The following ASCC3 variants were observed in gnomAD, a reference collection of about 807,000 sequenced individuals.
ASCC3 encodes the protein ASC-1 complex subunit P200.
A neutral mutation model predicts 256.3 loss-of-function variants in ASCC3; 158 were observed. That is an observed-to-expected ratio of 0.62 (90% CI 0.54 to 0.70). The LOEUF (loss-of-function observed/expected upper bound fraction) is 0.70. Ranked by LOEUF, ASCC3 falls within the 30% of genes least tolerant of loss-of-function variation. ASCC3 has a pLI of 0.00. For synonymous variants in ASCC3, 948 were observed against 883.4 expected (o/e 1.07, Z -1.30); for missense variants, 2,259 against 2,626.0 (o/e 0.86, Z 3.05).
chr6:100,757,330 A>C lies in ASCC3; in HGVS notation c.1737+9235T>G, dbSNP rs1055593276. ...CCACAAGACAACACTAGAATTGAGA[A>C]TATGGCAAAGATAATATTATAATTC... On this transcript the variant is annotated intron_variant, in intron 10 of 41. Coordinates refer to ENST00000369162, the MANE Select transcript of ASCC3 (RefSeq NM_006828.4). 1.1e-4 allele frequency among the ~76,000 whole-genome samples: 16 copies of C among 152,122 alleles called. 1 individual carries two copies.
At chr6:100,593,507 G>T (rs1388032674) in intron 34 of ASCC3, among the ~76,000 whole-genome samples, 1 of 152,124 alleles carries the variant, frequency 6.6e-6, no homozygotes, top group Admixed American at 6.6e-5. Flanking sequence ...TTCACCAGTT[G>T]AGAATGAAAG....
At chr6:100,622,892 T>TAAC (rs1440283223) in intron 30 of ASCC3, among the ~76,000 whole-genome samples, 1 of 152,046 alleles carries the variant, frequency 6.6e-6, no homozygotes, top group African/African-American at 2.4e-5. Context: ...ATATTAAAAT[T>TAAC]AACAACAACA....
intron 37 of ASCC3, among the ~76,000 whole-genome samples, chr6:100,533,207 A>G (rs751956795): frequency 9.9e-5 from 15 of 152,022 alleles, no homozygotes; most frequent in Non-Finnish European, 1.5e-4. Flanking sequence ...TTCTTTTTAA[A>G]TGCAAAACCT....
At chr6:100,579,802 G>C (rs1316745035) in intron 36 of ASCC3, among the ~76,000 whole-genome samples, 2 of 152,172 alleles carry the variant, frequency 1.3e-5, no homozygotes, top group Non-Finnish European at 1.5e-5. Flanking sequence ...GATTGCCTTG[G>C]CTATTCCAGC....
intron 30 of ASCC3, among the ~76,000 whole-genome samples, chr6:100,623,672 C>G (rs1562175470): frequency 6.6e-6 from 1 of 152,080 alleles, no homozygotes; most frequent in Non-Finnish European, 1.5e-5. Context: ...CAATTATCTA[C>G]TGATTTCATC....
chr6:100,768,486 A>C (rs1781770922), intron 8 of ASCC3, among the ~76,000 whole-genome samples: 2 of 152,334 alleles, frequency 1.3e-5, no homozygotes, highest in South Asian at 4.1e-4. Context: ...AGCAAAACAG[A>C]AAGCCATTTC....
chr6:100,800,188 G>A (rs953728013), intron 6 of ASCC3, 112 bp downstream of exon 6: 27 of 1,146,640 alleles, frequency 2.4e-5, no homozygotes, highest in African/African-American at 2.2e-4. Flanking sequence ...TGAAGAAAAC[G>A]TGACTTGAAG....
chr6:100,671,742 C>T (rs1030915408), intron 14 of ASCC3, among the ~76,000 whole-genome samples: 3 of 151,978 alleles, frequency 2.0e-5, no homozygotes, highest in African/African-American at 7.2e-5. Context: ...TAACGTTTTC[C>T]TACTCATGAG....
intron 30 of ASCC3, among the ~76,000 whole-genome samples, chr6:100,610,949 GA>G (rs1438658219): frequency 2.6e-5 from 4 of 152,136 alleles, no homozygotes; most frequent in South Asian, 2.1e-4. Flanking sequence ...TAGTTTGAGA[GA>G]TTTTTTTTCA....
At chr6:100,842,237 A>T (rs1772178271) in intron 4 of ASCC3, among the ~76,000 whole-genome samples, 1 of 152,186 alleles carries the variant, frequency 6.6e-6, no homozygotes, top group African/African-American at 2.4e-5. Flanking sequence ...TCAGTACAGC[A>T]ACATTTTAAA....
In ASCC3 at chr6:100,633,692, C is replaced by A. The variant is rs1169986749; in HGVS notation, c.4123-2479G>T. Among the ~76,000 whole-genome samples the A allele has an allele frequency of 4.7e-5, 7 of 149,702 alleles. No homozygotes were observed. In the East Asian group the frequency reaches 1.4e-3, roughly 31 times the overall value. ...ACCAGCCTGATCAACATGGAGAAAC[C>A]CCGTCACTACTAAAAAAAAAAAAAT... On this transcript the variant is annotated intron_variant, in intron 25 of 41. Coordinates refer to ENST00000369162, the MANE Select transcript of ASCC3 (RefSeq NM_006828.4).
intron 16 of ASCC3, among the ~76,000 whole-genome samples, chr6:100,661,600 T>C (rs1286231882): frequency 2.6e-5 from 4 of 151,882 alleles, no homozygotes; most frequent in African/African-American, 9.7e-5. Flanking sequence ...GTATGGTCTT[T>C]TAACAATAGA....
At chr6:100,654,748 C>T (rs547911923) in intron 17 of ASCC3, among the ~76,000 whole-genome samples, 80 of 152,016 alleles carry the variant, frequency 5.3e-4, no homozygotes, top group African/African-American at 1.8e-3. Flanking sequence ...AACCTAATAA[C>T]GGCTTTAGAT....
chr6:100,699,495 C>G lies in ASCC3; in HGVS notation c.2151+15967G>C, dbSNP rs563036110. ...TGCTCAGTCTTAGGTAAGTCTTTAT[C>G]AGCAGTGTGAAAATGGACTAATACA... On this transcript the variant is annotated intron_variant, in intron 13 of 41. Coordinates refer to ENST00000369162, the MANE Select transcript of ASCC3 (RefSeq NM_006828.4). 1.1e-4 allele frequency among the ~76,000 whole-genome samples: 16 copies of G among 152,252 alleles called. No individual in the cohort carries two copies. In the South Asian group the frequency reaches 3.3e-3, roughly 32 times the overall value.
rs545306227 is a variant in ASCC3 at position 100,594,527 on chromosome 6, C to T, written c.5304-4468G>A. Among the ~76,000 whole-genome samples the T allele has an allele frequency of 1.8e-4, 28 of 152,130 alleles. No homozygotes were observed. The South Asian group carries it at 4.8e-3, about 26-fold the overall frequency. On this transcript the variant is annotated intron_variant, in intron 34 of 41. Coordinates refer to ENST00000369162, the MANE Select transcript of ASCC3 (RefSeq NM_006828.4). ...ACAGACAATAATAAAAAGACACAAGCGAGGGCCAATCACAAGAATGTGGAG... is the reference window on the plus strand; with the variant it reads ...ACAGACAATAATAAAAAGACACAAGTGAGGGCCAATCACAAGAATGTGGAG...
At position 100,732,513 on chromosome 6, in the gene ASCC3, A is replaced by G. The variant is rs147847924; in HGVS notation, c.1738-6810T>C. On this transcript the variant is annotated intron_variant, in intron 10 of 41. Coordinates refer to ENST00000369162, the MANE Select transcript of ASCC3 (RefSeq NM_006828.4). ...AGTTCCTTATTGTTTACCCATTTCA[A>G]TTATTTAAATCATTTCTCTTTTAAT... 2.9e-3 allele frequency among the ~76,000 whole-genome samples: 436 copies of G among 152,318 alleles called. 1 individual carries two copies. Among genetic ancestry groups the G allele is most frequent in the African/African-American group, 0.01 (418 of 41,576 alleles).
At chr6:100,607,495 C>G (rs773292221) in intron 30 of ASCC3, among the ~76,000 whole-genome samples, 12 of 151,876 alleles carry the variant, frequency 7.9e-5, no homozygotes, top group Non-Finnish European at 1.5e-4. Flanking sequence ...AAAAAAAAAT[C>G]AGCCATAATC....
At chr6:100,567,086 T>G (rs1170295372) in intron 36 of ASCC3, among the ~76,000 whole-genome samples, 1 of 152,046 alleles carries the variant, frequency 6.6e-6, no homozygotes, top group Non-Finnish European at 1.5e-5. Context: ...ATTTAAAAAT[T>G]AAAATAGCTT....
intron 24 of ASCC3, among the ~76,000 whole-genome samples, chr6:100,641,624 G>C (rs946524935): frequency 5.3e-5 from 8 of 152,140 alleles, no homozygotes; most frequent in Non-Finnish European, 7.4e-5. Flanking sequence ...CAGGGATCTA[G>C]AACTAGAAAT....
Sources: allele counts gnomAD v4.1 joint callset (sites outside exome capture counted in the v4.1 genomes callset), GRCh38; gene constraint gnomAD v4.1.1; transcripts MANE v1.5; gene names NCBI Gene and HGNC (gene_info 2026-07-23, HGNC 2026-07-21).